The following CARMIL1 variants were observed in gnomAD, a reference collection of about 807,000 sequenced individuals.
CARMIL1 encodes capping protein regulator and myosin 1 linker 1.
A neutral mutation model predicts 177.1 loss-of-function variants in CARMIL1; 90 were observed. The ratio of observed to expected loss-of-function variants is 0.51; its 90% CI spans 0.43 to 0.61. The LOEUF (loss-of-function observed/expected upper bound fraction) is 0.61. Among genes scored for constraint, CARMIL1 ranks in the 20% least tolerant of loss-of-function variants. The pLI is 0.00. For missense variants in CARMIL1, 1,380 were observed against 1,667.0 expected, an observed-to-expected ratio of 0.83 and a Z score of 3.00; for synonymous variants, 577 against 606.2, an observed-to-expected ratio of 0.95 and a Z score of 0.71.
intron 2 of CARMIL1, among the ~76,000 whole-genome samples, chr6:25,303,479 T>C (rs1783027146): frequency 6.6e-6 from 1 of 152,238 alleles, no homozygotes; most frequent in African/African-American, 2.4e-5. Context: ...CTCAAGGACT[T>C]TGACCCTTCA....
At chr6:25,478,284 G>A (rs1346212208) in intron 11 of CARMIL1, among the ~76,000 whole-genome samples, 1 of 152,060 alleles carries the variant, frequency 6.6e-6, no homozygotes. Context: ...TCATGTCTCA[G>A]TGTATATCAG....
chr6:25,345,671 C>T (rs1451793565), intron 2 of CARMIL1, among the ~76,000 whole-genome samples: 7 of 152,200 alleles, frequency 4.6e-5, no homozygotes, highest in South Asian at 2.1e-4. Flanking sequence ...GGCTTGAGTG[C>T]AGTGGCGTGA....
At chr6:25,615,957 T>C (rs1244644394) in intron 36 of CARMIL1, among the ~76,000 whole-genome samples, 8 of 152,194 alleles carry the variant, frequency 5.3e-5, no homozygotes, top group East Asian at 1.9e-4. Context: ...ATGACAGATA[T>C]CACGTTCGAG....
chr6:25,539,913 A>G lies in CARMIL1; in HGVS notation c.2197-34A>G, dbSNP rs769846863. On this transcript the variant is annotated intron_variant, in intron 25 of 36. Transcript: ENST00000329474. ...TGACTTTGATTGAAATATTTACCCA[A>G]TTCTAAAGAGGTTATTTTTTATTTC... 149 of 1,490,072 alleles carry G rather than the reference A, an allele frequency of 1.0e-4. No homozygotes were observed. The East Asian group carries it at 1.5e-3, about 15-fold the overall frequency. 92.3% of individuals were successfully genotyped at this position (1,490,072 alleles called of 1,614,324 possible).
At chr6:25,511,110 A>G (rs532691759) in intron 20 of CARMIL1, among the ~76,000 whole-genome samples, 4 of 152,260 alleles carry the variant, frequency 2.6e-5, no homozygotes, top group South Asian at 2.1e-4. Flanking sequence ...AGTTGACTTT[A>G]TGACCTTATA....
chr6:25,490,139 G>C (rs1803058487), intron 13 of CARMIL1, among the ~76,000 whole-genome samples: 2 of 152,130 alleles, frequency 1.3e-5, no homozygotes, highest in Admixed American at 1.3e-4. Context: ...CCAGGAGCCT[G>C]GCGGCAGGTG....
At chr6:25,286,412 C>G (rs982885578) in intron 2 of CARMIL1, among the ~76,000 whole-genome samples, 1 of 152,124 alleles carries the variant, frequency 6.6e-6, no homozygotes, top group Non-Finnish European at 1.5e-5. Context: ...TGGCTTTTGC[C>G]CAGCAACAAA....
At chr6:25,498,234 C>T (rs1166840045) in intron 16 of CARMIL1, among the ~76,000 whole-genome samples, 1 of 152,142 alleles carries the variant, frequency 6.6e-6, no homozygotes, top group Non-Finnish European at 1.5e-5. Context: ...CTAGTGCCAC[C>T]GATCTGGAGC....
intron 5 of CARMIL1, among the ~76,000 whole-genome samples, chr6:25,443,603 G>A (rs1021517040): frequency 1.3e-5 from 2 of 152,120 alleles, no homozygotes; most frequent in Non-Finnish European, 2.9e-5. Flanking sequence ...TAAAAGTTAC[G>A]TTTACTAAAG....
intron 2 of CARMIL1, among the ~76,000 whole-genome samples, chr6:25,396,243 A>G (rs1032889982): frequency 5.9e-5 from 9 of 152,182 alleles, no homozygotes; most frequent in African/African-American, 2.2e-4. Flanking sequence ...TAATAGTAGA[A>G]TTATAACATT....
chr6:25,602,393 T>A (rs1223707025), intron 33 of CARMIL1, among the ~76,000 whole-genome samples: 2 of 152,260 alleles, frequency 1.3e-5, no homozygotes, highest in East Asian at 3.8e-4. Flanking sequence ...TGTGCGGTTT[T>A]GATTAATATG....
chr6:25,470,498 C>T (rs1223934451), intron 9 of CARMIL1, among the ~76,000 whole-genome samples: 1 of 152,214 alleles, frequency 6.6e-6, no homozygotes, highest in Non-Finnish European at 1.5e-5. Flanking sequence ...GGATTAGGTG[C>T]ACCTATATGT....
intron 2 of CARMIL1, among the ~76,000 whole-genome samples, chr6:25,411,263 T>G (rs1170711231): frequency 6.6e-6 from 1 of 152,188 alleles, no homozygotes; most frequent in Non-Finnish European, 1.5e-5. Flanking sequence ...CTGCCACATG[T>G]GAGTTCTTAA....
intron 9 of CARMIL1, among the ~76,000 whole-genome samples, chr6:25,466,545 C>A (rs1337884269): frequency 6.6e-6 from 1 of 152,154 alleles, no homozygotes; most frequent in South Asian, 2.1e-4. Context: ...GTCATATGGA[C>A]AGATGCTTAT....
At chr6:25,351,283 G>A (rs1788080177) in intron 2 of CARMIL1, among the ~76,000 whole-genome samples, 1 of 152,176 alleles carries the variant, frequency 6.6e-6, no homozygotes, top group Non-Finnish European at 1.5e-5. Context: ...AAAGGATAAT[G>A]TTTTGGATAT....
At chr6:25,485,290 C>T (rs150964523) in intron 12 of CARMIL1, among the ~76,000 whole-genome samples, 210 of 152,242 alleles carry the variant, frequency 1.4e-3, no homozygotes, top group African/African-American at 4.0e-3. Context: ...GACAGCCCCA[C>T]GTTGCCTGTA....
At chr6:25,359,081 T>C (rs1263909067) in intron 2 of CARMIL1, among the ~76,000 whole-genome samples, 4 of 152,204 alleles carry the variant, frequency 2.6e-5, no homozygotes, top group Non-Finnish European at 4.4e-5. Context: ...TCTGCCAAGA[T>C]GGACACTGGG....
chr6:25,530,861 G>A (rs116181489), intron 24 of CARMIL1, among the ~76,000 whole-genome samples: 148 of 152,262 alleles, frequency 9.7e-4, no homozygotes, highest in African/African-American at 3.4e-3. Flanking sequence ...AGGGATTGGC[G>A]TGTCTTTCTC....
At chr6:25,356,303 C>T (rs927646923) in intron 2 of CARMIL1, among the ~76,000 whole-genome samples, 12 of 151,966 alleles carry the variant, frequency 7.9e-5, no homozygotes, top group Non-Finnish European at 1.6e-4. Flanking sequence ...ATGATCCACC[C>T]GCCTCGGCCT....
Sources: gnomAD v4.1 joint callset for allele counts (sites outside exome capture counted in the v4.1 genomes callset) on GRCh38, gnomAD v4.1.1 for gene constraint, MANE v1.5 for transcripts, NCBI Gene and HGNC (gene_info 2026-07-23, HGNC 2026-07-21) for gene names.